Variants in SEPTIN6 observed in about 807,000 individuals in gnomAD.
The protein encoded by SEPTIN6 is septin-6.
Under a neutral mutation model 33.6 loss-of-function variants are expected in SEPTIN6, and 8 were observed. The observed-to-expected ratio is 0.24, with a 90% confidence interval of 0.14 to 0.43. The LOEUF (loss-of-function observed/expected upper bound fraction) is 0.43. Ranked by LOEUF, SEPTIN6 falls within the 20% of genes least tolerant of loss-of-function variation. The pLI, the probability that SEPTIN6 is intolerant of heterozygous loss-of-function variation, is 1.00. For missense variants in SEPTIN6, 250 were observed against 340.8 expected (o/e 0.73, Z 2.10); for synonymous variants, 131 against 140.0 (o/e 0.94, Z 0.45).
At position 119,656,985 on chromosome X, in the gene SEPTIN6, G is replaced by A. The variant is rs769352341; in HGVS notation, c.342-3945C>T. Among the ~76,000 whole-genome samples the A allele has an allele frequency of 1.1e-4, 12 of 109,472 alleles. No homozygotes were observed. The East Asian group carries it at 2.3e-3, about 21-fold the overall frequency. ...CATAATCTCAGCACTTTGGGAGGCC[G>A]AGGCAGGCGGATTACCTGAGGTCAG... On this transcript the variant is annotated intron_variant, in intron 3 of 10. Transcript: ENST00000394610.
At chrX:119,656,880 C>T (rs1176289664) in intron 3 of SEPTIN6, among the ~76,000 whole-genome samples, 3 of 106,247 alleles carry the variant, frequency 2.8e-5, no homozygotes, top group African/African-American at 6.9e-5. Flanking sequence ...AGTGAGACTC[C>T]GTCTCAAAAA....
At chrX:119,622,053 C>CAAA in intron 10 of SEPTIN6, among the ~76,000 whole-genome samples, 1 of 106,806 alleles carries the variant, frequency 9.4e-6, no homozygotes. Flanking sequence ...ACAACAACAA[C>CAAA]AAAAAAAAAC....
intron 1 of SEPTIN6, among the ~76,000 whole-genome samples, chrX:119,680,242 A>ATTT (rs2054929771): frequency 2.0e-5 from 2 of 101,796 alleles, no homozygotes; most frequent in African/African-American, 7.0e-5. Flanking sequence ...TTTATTTATT[A>ATTT]GAGATGGAGT....
chrX:119,668,969 T>C (rs746450135), intron 2 of SEPTIN6, among the ~76,000 whole-genome samples: 6 of 111,750 alleles, frequency 5.4e-5, no homozygotes, highest in South Asian at 7.4e-4. Context: ...CCAAAGTCCA[T>C]TGTGTTATTC....
chrX:119,674,044 T>G (rs1361486489), intron 2 of SEPTIN6, among the ~76,000 whole-genome samples: 1 of 110,953 alleles, frequency 9.0e-6, no homozygotes, highest in Non-Finnish European at 1.9e-5. Flanking sequence ...CAGACTTTAT[T>G]CTGGTATTTA....
chrX:119,671,374 G>A (rs1286857123), intron 2 of SEPTIN6, among the ~76,000 whole-genome samples: 4 of 106,806 alleles, frequency 3.7e-5, no homozygotes, highest in African/African-American at 6.8e-5. Flanking sequence ...TGTAAGCTCC[G>A]CCTCCCGGGT....
chrX:119,670,323 C>T (rs1188594539), intron 2 of SEPTIN6, among the ~76,000 whole-genome samples: 1 of 109,930 alleles, frequency 9.1e-6, no homozygotes, highest in Non-Finnish European at 1.9e-5. Context: ...TTTGGGAGGT[C>T]CAGGTGGGCG....
chrX:119,667,956 T>A lies in SEPTIN6; in HGVS notation c.146-4279A>T, dbSNP rs185789811. Among the ~76,000 whole-genome samples the A allele has an allele frequency of 8.0e-3, 888 of 111,511 alleles. 7 individuals carry two copies. The highest frequency in any genetic ancestry group is 9.6e-3 in the Non-Finnish European group (510 of 53,030). ...GATAGTATTCTGGAAACAATAGTTT[T>A]AAAAAAAATTAAAACATATATGAGT... On this transcript the variant is annotated intron_variant, in intron 2 of 10. Coordinates refer to ENST00000394610, the MANE Select transcript of SEPTIN6 (RefSeq NM_145799.4).
intron 7 of SEPTIN6, among the ~76,000 whole-genome samples, chrX:119,636,801 A>G (rs1415987228): frequency 2.7e-5 from 3 of 111,088 alleles, no homozygotes; most frequent in Admixed American, 9.6e-5. Flanking sequence ...CTTAAAAGCA[A>G]GGCGGCGGTA....
rs61037430 is a variant in SEPTIN6, at chrX:119,647,483, C to CTTT, written c.690+2451_690+2453dup. ...TTTCTTTCCTTTCCTTTCTCTCTCT[C>CTTT]TTTTTTTTTTTTTGTGAGACAGGGT... On this transcript the variant is annotated intron_variant, in intron 5 of 10. Transcript: ENST00000394610. 3.6e-4 allele frequency among the ~76,000 whole-genome samples: 27 copies of CTTT among 74,388 alleles called. 2 individuals are homozygous for CTTT. Among genetic ancestry groups the CTTT allele is most frequent in the African/African-American group, 1.5e-3 (25 of 16,316 alleles). The allele number at this position is 74,388 out of a possible 115,157, so 64.6% of individuals were successfully genotyped here.
intron 1 of SEPTIN6, among the ~76,000 whole-genome samples, chrX:119,692,731 CG>C (rs748768840): frequency 4.3e-4 from 48 of 112,792 alleles, no homozygotes; most frequent in African/African-American, 1.4e-3. Context: ...CCGGAGGGCT[CG>C]GCGGCTCCTA....
Position 119,617,941 on chromosome X carries a change from C to T in SEPTIN6, c.*2152G>A. ...AAGCCTTAACTAGTTAATCTGTACA[C>T]AAATGCAAATGAGGGCGCCTCCGGT... On this transcript the variant is annotated 3_prime_UTR_variant, in exon 11 of 11. Transcript: ENST00000394610. 9.9e-6 allele frequency: 8 copies of T among 804,194 alleles called. No individual in the cohort carries two copies. Among genetic ancestry groups the T allele is most frequent in the Non-Finnish European group, 1.2e-5 (8 of 669,970 alleles). The allele number at this position is 804,194 out of a possible 1,213,427, so 66.3% of individuals were successfully genotyped here.
intron 8 of SEPTIN6, among the ~76,000 whole-genome samples, chrX:119,633,140 C>T (rs2053996173): frequency 8.9e-6 from 1 of 112,019 alleles, no homozygotes; most frequent in African/African-American, 3.2e-5. Context: ...TTGCAGTGAA[C>T]ATATGTGTGT....
chrX:119,660,472 G>A lies in SEPTIN6; in HGVS notation c.341+3010C>T, dbSNP rs144594466. Among the ~76,000 whole-genome samples the A allele has an allele frequency of 8.1e-4, 91 of 112,043 alleles. No individual in the cohort carries two copies. In the East Asian group the frequency reaches 9.2e-3, roughly 11 times the overall value. On this transcript the variant is annotated intron_variant, in intron 3 of 10. Coordinates refer to ENST00000394610, the MANE Select transcript of SEPTIN6 (RefSeq NM_145799.4). ...CATTTATAATCGGGAAGAAACAATA[G>A]GGATATCTTAAAACTATAACGGAAG...
intron 1 of SEPTIN6, among the ~76,000 whole-genome samples, chrX:119,678,528 AAAAT>A (rs1436507377): frequency 9.1e-5 from 10 of 110,042 alleles, no homozygotes; most frequent in East Asian, 8.9e-4. Context: ...CAAAAAAAAA[AAAAT>A]AAATAAAGAC....
At chrX:119,645,460 T>A (rs964590907) in intron 5 of SEPTIN6, among the ~76,000 whole-genome samples, 6 of 108,354 alleles carry the variant, frequency 5.5e-5, no homozygotes, top group African/African-American at 2.0e-4. Flanking sequence ...TGCAATGGCG[T>A]GATCTCAGCT....
chrX:119,636,967 A>G (rs2054071427), intron 7 of SEPTIN6, 60 bp downstream of exon 7: 1 of 1,153,672 alleles, frequency 8.7e-7, no homozygotes, highest in South Asian at 2.0e-5. Flanking sequence ...AGGCTTCCAC[A>G]CCACCTGAGT....
At chrX:119,690,708 A>G (rs1420270173) in intron 1 of SEPTIN6, among the ~76,000 whole-genome samples, 2 of 92,080 alleles carry the variant, frequency 2.2e-5, no homozygotes, top group Admixed American at 2.5e-4. Context: ...TGGGCAACAG[A>G]GCAAGACTCC....
intron 6 of SEPTIN6, among the ~76,000 whole-genome samples, chrX:119,637,744 T>C (rs1000130207): frequency 1.8e-5 from 2 of 112,403 alleles, no homozygotes; most frequent in Non-Finnish European, 3.7e-5. Context: ...TGTGAGGCAC[T>C]GGGAATTCAG....
Sources: gnomAD v4.1 joint callset for allele counts (sites outside exome capture counted in the v4.1 genomes callset) on GRCh38, gnomAD v4.1.1 for gene constraint, MANE v1.5 for transcripts, NCBI Gene and HGNC (gene_info 2026-07-23, HGNC 2026-07-21) for gene names.